HS3ST4: variants seen among roughly 807,000 people sequenced by gnomAD.
HS3ST4 encodes heparan sulfate glucosamine 3-O-sulfotransferase 4.
Under a neutral mutation model 29.2 loss-of-function variants are expected in HS3ST4, and 17 were observed. The observed-to-expected ratio is 0.58, with a 90% confidence interval of 0.40 to 0.87. The LOEUF (loss-of-function observed/expected upper bound fraction) is 0.87, where lower values mean the gene tolerates loss of function less well. HS3ST4 is among the 40% of genes least tolerant of loss of function. The pLI, the probability that HS3ST4 is intolerant of heterozygous loss-of-function variation, is 0.00. For synonymous variants in HS3ST4, 314 were observed against 285.7 expected, an observed-to-expected ratio of 1.10 and a Z score of -1.00; for missense variants, 627 against 634.5, an observed-to-expected ratio of 0.99 and a Z score of 0.13.
At position 25,919,452 on chromosome 16, in the gene HS3ST4, C is replaced by G. The variant is rs943327028; in HGVS notation, c.735-216160C>G. ...AAATTTGAAATGCCTGTTAGATACT[C>G]AAATAGAGTGGTTGAGAAAGCAGTT... is the stretch of plus-strand genomic sequence containing the variant. On this transcript the variant is annotated intron_variant, in intron 1 of 1. Transcript: ENST00000331351. 7.2e-5 allele frequency among the ~76,000 whole-genome samples: 11 copies of G among 152,276 alleles called. No individual in the cohort carries two copies. The South Asian group carries it at 2.1e-3, about 29-fold the overall frequency.
At chr16:25,978,362 C>G (rs1447747939) in intron 1 of HS3ST4, among the ~76,000 whole-genome samples, 1 of 152,236 alleles carries the variant, frequency 6.6e-6, no homozygotes, top group African/African-American at 2.4e-5. Flanking sequence ...TTGGCAGGCC[C>G]TACAGTCTCT....
chr16:25,822,800 C>T (rs969388223), intron 1 of HS3ST4, among the ~76,000 whole-genome samples: 8 of 151,736 alleles, frequency 5.3e-5, no homozygotes, highest in Admixed American at 1.3e-4. Context: ...TGCAGTGGTG[C>T]GATCTCAGCT....
intron 1 of HS3ST4, among the ~76,000 whole-genome samples, chr16:25,884,951 A>T (rs1197674405): frequency 6.6e-6 from 1 of 152,188 alleles, no homozygotes; most frequent in Non-Finnish European, 1.5e-5. Flanking sequence ...CATAAAGGTT[A>T]CTTAAATAGA....
intron 1 of HS3ST4, among the ~76,000 whole-genome samples, chr16:25,899,395 C>G (rs890271439): frequency 6.6e-6 from 1 of 152,224 alleles, no homozygotes; most frequent in Non-Finnish European, 1.5e-5. Context: ...AGCTGAAAAG[C>G]TTGGGGTATA....
intron 1 of HS3ST4, among the ~76,000 whole-genome samples, chr16:25,913,368 C>G (rs1968258839): frequency 6.6e-6 from 1 of 152,216 alleles, no homozygotes; most frequent in Non-Finnish European, 1.5e-5. Context: ...CCTGAGGGAG[C>G]CTGTGCACCC....
chr16:25,830,229 G>T (rs1001780482), intron 1 of HS3ST4, among the ~76,000 whole-genome samples: 15 of 152,184 alleles, frequency 9.9e-5, no homozygotes, highest in African/African-American at 3.6e-4. Context: ...ATAAAAGTTA[G>T]CTAAAAACAG....
intron 1 of HS3ST4, among the ~76,000 whole-genome samples, chr16:26,059,082 A>T (rs1898444566): frequency 6.6e-6 from 1 of 152,112 alleles, no homozygotes; most frequent in South Asian, 2.1e-4. Flanking sequence ...TCAAGCAGAG[A>T]AACCCAAAGA....
At chr16:25,854,774 C>G (rs8058064) in intron 1 of HS3ST4, among the ~76,000 whole-genome samples, 54,570 of 141,344 alleles carry the variant, frequency 0.39, 10,680 homozygotes, top group East Asian at 0.64. Flanking sequence ...GTAAGGGAGG[C>G]GAGGTGTTTG....
chr16:25,764,449 C>A (rs1393193099), intron 1 of HS3ST4, among the ~76,000 whole-genome samples: 1 of 152,186 alleles, frequency 6.6e-6, no homozygotes, highest in Non-Finnish European at 1.5e-5. Flanking sequence ...TTGAACCTCA[C>A]CCTGTGTGTG....
intron 1 of HS3ST4, among the ~76,000 whole-genome samples, chr16:25,967,792 G>T (rs942602415): frequency 1.3e-5 from 2 of 152,196 alleles, no homozygotes; most frequent in Admixed American, 6.5e-5. Flanking sequence ...GGAGGGTGGA[G>T]TTTGTGACTC....
At chr16:25,833,108 C>G (rs914842512) in intron 1 of HS3ST4, among the ~76,000 whole-genome samples, 2 of 151,934 alleles carry the variant, frequency 1.3e-5, no homozygotes, top group African/African-American at 4.8e-5. Context: ...CTAATTTCCC[C>G]TGGAAAAAAA....
intron 1 of HS3ST4, among the ~76,000 whole-genome samples, chr16:25,860,375 G>T (rs1301262795): frequency 1.3e-5 from 2 of 152,202 alleles, no homozygotes; most frequent in Non-Finnish European, 1.5e-5. Context: ...CGAAGGAGAA[G>T]AAAACTTATG....
chr16:25,707,177 G>A (rs546353533), intron 1 of HS3ST4, among the ~76,000 whole-genome samples: 1 of 152,278 alleles, frequency 6.6e-6, no homozygotes, highest in South Asian at 2.1e-4. Flanking sequence ...GCCCCAGAGT[G>A]CAAGAGTAGT....
intron 1 of HS3ST4, among the ~76,000 whole-genome samples, chr16:25,782,043 C>T (rs1966853106): frequency 6.6e-6 from 1 of 152,092 alleles, no homozygotes; most frequent in African/African-American, 2.4e-5. Context: ...CTGGGGAGGC[C>T]TCGGGAAATT....
chr16:25,828,240 TTCTCTTTCTTTC>T lies in HS3ST4; in HGVS notation c.734+135091_734+135102del, dbSNP rs1480533789. ...TTCTTTCCTTTCTTTCTTTCTTTCTTTCTCTTTCTTTCTTTCTTTCTTTCTTTCTTTCTTTCT... is the reference window on the plus strand; with the variant it reads ...TTCTTTCCTTTCTTTCTTTCTTTCTTTTTCTTTCTTTCTTTCTTTCTTTCT... On this transcript the variant is annotated intron_variant, in intron 1 of 1. Transcript: ENST00000331351. 5.9e-4 allele frequency among the ~76,000 whole-genome samples: 35 copies of T among 59,736 alleles called. 4 individuals are homozygous for T. Among genetic ancestry groups the T allele is most frequent in the Non-Finnish European group, 7.0e-4 (21 of 29,858 alleles). 39.2% of individuals were successfully genotyped at this position (59,736 alleles called of 152,430 possible). A position where few individuals can be genotyped will look rare whatever the true frequency, so the allele number is the denominator to read the frequency against.
intron 1 of HS3ST4, among the ~76,000 whole-genome samples, chr16:26,006,332 C>T (rs991380214): frequency 7.1e-6 from 1 of 141,750 alleles, no homozygotes. Context: ...AAAAGAGGCT[C>T]AAGTACAGTT....
intron 1 of HS3ST4, among the ~76,000 whole-genome samples, chr16:26,083,965 A>C (rs1002286542): frequency 3.9e-5 from 6 of 152,186 alleles, no homozygotes; most frequent in Admixed American, 2.0e-4. Context: ...GAATTACAGT[A>C]GAGTGTCAAA....
At chr16:25,935,832 A>C (rs532297017) in intron 1 of HS3ST4, among the ~76,000 whole-genome samples, 1 of 152,224 alleles carries the variant, frequency 6.6e-6, no homozygotes, top group Non-Finnish European at 1.5e-5. Flanking sequence ...TGAGACATTT[A>C]TGTGAAATCT....
chr16:25,798,152 C>T (rs944741740), intron 1 of HS3ST4, among the ~76,000 whole-genome samples: 4 of 152,184 alleles, frequency 2.6e-5, no homozygotes, highest in Non-Finnish European at 5.9e-5. Flanking sequence ...AAGATGCACT[C>T]AGGCCAACTT....
Sources: gnomAD v4.1 joint callset for allele counts (sites outside exome capture counted in the v4.1 genomes callset) on GRCh38, gnomAD v4.1.1 for gene constraint, MANE v1.5 for transcripts, NCBI Gene and HGNC (gene_info 2026-07-23, HGNC 2026-07-21) for gene names.